Variants in PTPRN2 observed in about 807,000 individuals in gnomAD.
PTPRN2 encodes receptor-type tyrosine-protein phosphatase N2.
A neutral mutation model predicts 118.8 loss-of-function variants in PTPRN2; 74 were observed. The ratio of observed to expected loss-of-function variants is 0.62; its 90% CI spans 0.52 to 0.76. PTPRN2 has a LOEUF of 0.76. Ranked by LOEUF, PTPRN2 falls within the 30% of genes least tolerant of loss-of-function variation. PTPRN2 has a pLI of 0.00. For synonymous variants in PTPRN2, 641 were observed against 608.0 expected, an observed-to-expected ratio of 1.05 and a Z score of -0.80; for missense variants, 1,481 against 1,394.4, an observed-to-expected ratio of 1.06 and a Z score of -0.99.
In PTPRN2 at chr7:157,729,086, G is replaced by A. The variant is rs1292346004; in HGVS notation, c.1789-46149C>T. Among the ~76,000 whole-genome samples the A allele has an allele frequency of 5.9e-5, 9 of 152,032 alleles. No individual in the cohort carries two copies. Among genetic ancestry groups the A allele is most frequent in the Admixed American group, 2.6e-4 (4 of 15,262 alleles). On this transcript the variant is annotated intron_variant, in intron 12 of 22. Transcript: ENST00000389418. The surrounding 1 kb of genome is among the most constrained non-coding windows in gnomAD (Gnocchi z 4.3). The stretch of plus-strand genomic sequence containing the variant: ...TGATACCGGGCCTTTGAAAATAGTC[G>A]GGGAGGAAAACAGAAAAGATGCAGA...
At chr7:157,915,352 T>C (rs1798334369) in intron 11 of PTPRN2, among the ~76,000 whole-genome samples, 1 of 152,190 alleles carries the variant, frequency 6.6e-6, no homozygotes, top group African/African-American at 2.4e-5. Flanking sequence ...CTGCTTGAGA[T>C]GTTGTGGCTG....
chr7:158,244,067 T>C (rs1384596747), intron 3 of PTPRN2, among the ~76,000 whole-genome samples: 1 of 152,136 alleles, frequency 6.6e-6, no homozygotes, highest in Non-Finnish European at 1.5e-5. Flanking sequence ...CTGTCCTCCC[T>C]CCTTCCTCAC....
Position 158,450,222 on chromosome 7 carries a change from G to A in PTPRN2, c.163+39513C>T, listed in dbSNP as rs1818004594. Among the ~76,000 whole-genome samples, 3 of 152,332 alleles carry A rather than the reference G, an allele frequency of 2.0e-5. No homozygotes were observed. The South Asian group carries it at 6.2e-4, about 32-fold the overall frequency. ...CATCGTGGGAGCCCCACCCTCACGG[G>A]TGATCTAACTCAATCACGGCCCAAA... On this transcript the variant is annotated intron_variant, in intron 2 of 22. Transcript: ENST00000389418.
At chr7:158,282,567 G>A (rs779911070) in intron 3 of PTPRN2, among the ~76,000 whole-genome samples, 1 of 152,228 alleles carries the variant, frequency 6.6e-6, no homozygotes, top group Non-Finnish European at 1.5e-5. Flanking sequence ...GGCATGTTGA[G>A]TTCTGAAGGA....
At chr7:158,001,201 C>T (rs1484245510) in intron 11 of PTPRN2, among the ~76,000 whole-genome samples, 2 of 132,128 alleles carry the variant, frequency 1.5e-5, no homozygotes, top group South Asian at 2.5e-4. Flanking sequence ...GGGGTCGGGC[C>T]GCAGGCGGGG....
intron 2 of PTPRN2, among the ~76,000 whole-genome samples, chr7:158,340,174 T>C (rs1277107698): frequency 0.066 from 1,153 of 17,540 alleles, no homozygotes; most frequent in Non-Finnish European, 0.08. Flanking sequence ...GACCTGACAC[T>C]CGCAGACGTC....
chr7:157,542,344 C>T (rs762761150), intron 22 of PTPRN2, among the ~76,000 whole-genome samples: 6 of 152,162 alleles, frequency 3.9e-5, no homozygotes, highest in Non-Finnish European at 2.9e-5. Context: ...AAAAATTAAG[C>T]GTGGCTTTTT....
chr7:158,336,351 C>T (rs369374377), intron 2 of PTPRN2, among the ~76,000 whole-genome samples: 2 of 146,264 alleles, frequency 1.4e-5, no homozygotes, highest in African/African-American at 2.5e-5. Flanking sequence ...GTCACTCACA[C>T]CCACACTCTC....
chr7:158,184,314 T>C (rs1824960540), intron 5 of PTPRN2, among the ~76,000 whole-genome samples: 1 of 152,214 alleles, frequency 6.6e-6, no homozygotes, highest in Non-Finnish European at 1.5e-5. Flanking sequence ...TCATTGTACA[T>C]TGTCTTACAC....
intron 10 of PTPRN2, among the ~76,000 whole-genome samples, chr7:158,089,635 A>AT (rs1813851987): frequency 1.8e-5 from 2 of 111,222 alleles, no homozygotes; most frequent in East Asian, 3.0e-4. Context: ...CTTCACACAA[A>AT]CCTTCTTCCC....
chr7:157,914,746 T>C (rs1798301381), intron 11 of PTPRN2, among the ~76,000 whole-genome samples: 1 of 152,168 alleles, frequency 6.6e-6, no homozygotes, highest in African/African-American at 2.4e-5. Flanking sequence ...GCTTATGAAC[T>C]GCATTTAAGA....
chr7:157,604,439 A>G (rs1246148660), intron 15 of PTPRN2, among the ~76,000 whole-genome samples: 3 of 152,218 alleles, frequency 2.0e-5, no homozygotes, highest in African/African-American at 7.2e-5. Flanking sequence ...GAATGGAGAT[A>G]TCCTGGTGTT....
At position 157,906,326 on chromosome 7, in the gene PTPRN2, G is replaced by A. The variant is rs531546000; in HGVS notation, c.1724-7589C>T. 2.0e-3 allele frequency among the ~76,000 whole-genome samples: 302 copies of A among 152,336 alleles called. 2 individuals carry two copies. Among genetic ancestry groups the A allele is most frequent in the Admixed American group, 3.5e-3 (53 of 15,308 alleles). Reference sequence around the variant, plus strand: ...GCCTCCTGGGCCCAGGCGAGCTGCCGTGTCGCCGACTAACATGAGGCCCAC... The same window carrying A: ...GCCTCCTGGGCCCAGGCGAGCTGCCATGTCGCCGACTAACATGAGGCCCAC... On this transcript the variant is annotated intron_variant, in intron 11 of 22. Transcript: ENST00000389418.
intron 14 of PTPRN2, among the ~76,000 whole-genome samples, chr7:157,623,682 G>A (rs1803397445): frequency 6.6e-6 from 1 of 152,176 alleles, no homozygotes; most frequent in Non-Finnish European, 1.5e-5. Flanking sequence ...TGTGGCCCAA[G>A]GTTGGGTGGT....
chr7:158,559,595 C>T (rs1017250059), intron 1 of PTPRN2, among the ~76,000 whole-genome samples: 11 of 152,230 alleles, frequency 7.2e-5, no homozygotes, highest in African/African-American at 2.7e-4. Context: ...CAGGAGGTGA[C>T]CGCGGGGATA....
At chr7:158,139,919 G>A (rs143529775) in intron 6 of PTPRN2, among the ~76,000 whole-genome samples, 154 of 152,304 alleles carry the variant, frequency 1.0e-3, no homozygotes, top group African/African-American at 3.6e-3. Context: ...GGGTAAAGGA[G>A]AGACATTTTC....
intron 3 of PTPRN2, among the ~76,000 whole-genome samples, chr7:158,217,624 G>A (rs1191920911): frequency 1.3e-5 from 2 of 152,104 alleles, no homozygotes; most frequent in Non-Finnish European, 2.9e-5. Context: ...TGACTGAAAT[G>A]ACAGACATAG....
rs970158369 is a variant in PTPRN2 at position 158,197,447 on chromosome 7, C to T, written c.381-4952G>A. Among the ~76,000 whole-genome samples, 3 of 152,266 alleles carry T rather than the reference C, an allele frequency of 2.0e-5. No individual in the cohort carries two copies. The East Asian group carries it at 5.8e-4, about 29-fold the overall frequency. On this transcript the variant is annotated intron_variant, in intron 4 of 22. Transcript: ENST00000389418. Reference sequence around the variant, plus strand: ...CATGTAGGATGTTGATTTTCAAGAACAGATCACTAACATTAGGTGTGTGAT... The same window carrying T: ...CATGTAGGATGTTGATTTTCAAGAATAGATCACTAACATTAGGTGTGTGAT...
chr7:158,143,386 C>T (rs375806341), intron 6 of PTPRN2, among the ~76,000 whole-genome samples: 6 of 152,174 alleles, frequency 3.9e-5, no homozygotes, highest in East Asian at 3.9e-4. Context: ...GAAGGGCCCT[C>T]GGCATTGGGC....
Sources: allele counts gnomAD v4.1 joint callset (sites outside exome capture counted in the v4.1 genomes callset), GRCh38; gene constraint gnomAD v4.1.1; non-coding constraint Gnocchi (gnomAD v3.1); transcripts MANE v1.5; gene names NCBI Gene and HGNC (gene_info 2026-07-23, HGNC 2026-07-21).